Variants in UGT1A8 observed in about 807,000 individuals in gnomAD.
UGT1A8 encodes UDP glucuronosyltransferase family 1 member A8.
Under a neutral mutation model 45.3 loss-of-function variants are expected in UGT1A8, and 39 were observed. The observed-to-expected ratio is 0.86, with a 90% confidence interval of 0.67 to 1.12. The LOEUF (loss-of-function observed/expected upper bound fraction) is 1.12, where lower values mean the gene tolerates loss of function less well. Among genes scored for constraint, UGT1A8 ranks in the 50% most tolerant of loss-of-function variants. The pLI, the probability that UGT1A8 is intolerant of heterozygous loss-of-function variation, is 0.00. For missense variants in UGT1A8, 719 were observed against 664.9 expected, an observed-to-expected ratio of 1.08 and a Z score of -0.90; for synonymous variants, 275 against 249.2, an observed-to-expected ratio of 1.10 and a Z score of -0.97.
intron 1 of UGT1A8, among the ~76,000 whole-genome samples, chr2:233,670,608 A>T (rs1287621789): frequency 2.0e-5 from 3 of 152,156 alleles, no homozygotes; most frequent in Non-Finnish European, 4.4e-5. Flanking sequence ...ACTCATCTCC[A>T]TCAAGTCATC....
At chr2:233,628,705 G>T (rs1048492093) in intron 1 of UGT1A8, among the ~76,000 whole-genome samples, 1 of 152,126 alleles carries the variant, frequency 6.6e-6, no homozygotes, top group Non-Finnish European at 1.5e-5. Flanking sequence ...GAGGAGTGGA[G>T]CATTCAGTCT....
At chr2:233,666,204 A>G (rs1278478704) in intron 1 of UGT1A8, among the ~76,000 whole-genome samples, 1 of 152,130 alleles carries the variant, frequency 6.6e-6, no homozygotes, top group East Asian at 1.9e-4. Flanking sequence ...TCTTGCTGAA[A>G]CTAATAGATG....
chr2:233,643,071 T>C (rs1028573444), intron 1 of UGT1A8, among the ~76,000 whole-genome samples: 9 of 152,176 alleles, frequency 5.9e-5, no homozygotes, highest in African/African-American at 2.2e-4. Flanking sequence ...CTATGTTTGC[T>C]CAACGCCCTT....
intron 1 of UGT1A8, among the ~76,000 whole-genome samples, chr2:233,681,148 C>G (rs1481632068): frequency 6.6e-6 from 1 of 151,744 alleles, no homozygotes; most frequent in African/African-American, 2.4e-5. Flanking sequence ...CAATTTCCTC[C>G]CAGTTAGGAG....
Position 233,719,177 on chromosome 2 carries a change from T to C in UGT1A8, c.856-47857T>C, listed in dbSNP as rs779768748. Reference sequence around the variant, plus strand: ...CTAGAAGTATGGCAATTATGAACAATGTATCTTTGGCCCTTCATAGGTGTT... The same window carrying C: ...CTAGAAGTATGGCAATTATGAACAACGTATCTTTGGCCCTTCATAGGTGTT... On this transcript the variant is annotated intron_variant, in intron 1 of 4. Transcript: ENST00000373450. The C allele has an allele frequency of 1.1e-5, 17 of 1,614,142 alleles. No homozygotes were observed. In the East Asian group the frequency reaches 3.6e-4, roughly 34 times the overall value.
intron 1 of UGT1A8, chr2:233,637,457 T>A (rs545931659): frequency 2.6e-6 from 4 of 1,509,488 alleles, no homozygotes; most frequent in African/African-American, 1.4e-5. Context: ...AACTGTGATT[T>A]GACATTTTCG....
chr2:233,635,186 A>T (rs1315720280), intron 1 of UGT1A8, among the ~76,000 whole-genome samples: 2 of 150,636 alleles, frequency 1.3e-5, no homozygotes, highest in African/African-American at 4.9e-5. Context: ...TAGTCTGATG[A>T]ACTTCTTTTC....
intron 1 of UGT1A8, among the ~76,000 whole-genome samples, chr2:233,640,653 G>A (rs2073427030): frequency 6.6e-6 from 1 of 152,018 alleles, no homozygotes; most frequent in Admixed American, 6.6e-5. Context: ...TCTTTTTTAG[G>A]CTGCAAATGC....
intron 1 of UGT1A8, chr2:233,717,759 G>A (rs1415784532): frequency 2.2e-6 from 1 of 456,590 alleles, no homozygotes; most frequent in East Asian, 6.9e-5. Flanking sequence ...CCCTAGAAAG[G>A]CACACATTTA....
Position 233,767,174 on chromosome 2 carries a change from A to G in UGT1A8, c.987+9A>G. 1.2e-6 allele frequency: 2 copies of G among 1,614,054 alleles called. No homozygotes were observed. Among genetic ancestry groups the G allele is most frequent in the Non-Finnish European group, 1.7e-6 (2 of 1,180,004 alleles). ...GCAAAATCCCTCAGACAGTAAGAAG[A>G]TTCTATACCATGGCCTCATATCTAT... is the stretch of plus-strand genomic sequence containing the variant. On this transcript the variant is annotated intron_variant, in intron 2 of 4. Transcript: ENST00000373450.
At chr2:233,749,358 A>G (rs1263480064) in intron 1 of UGT1A8, among the ~76,000 whole-genome samples, 1 of 151,706 alleles carries the variant, frequency 6.6e-6, no homozygotes, top group Non-Finnish European at 1.5e-5. Context: ...TTAAATAGTG[A>G]CTCTTGCCCT....
intron 1 of UGT1A8, among the ~76,000 whole-genome samples, chr2:233,656,306 C>T (rs553611018): frequency 9.9e-5 from 15 of 152,264 alleles, no homozygotes; most frequent in African/African-American, 2.4e-4. Context: ...TCTCCGTAAA[C>T]TGGCCAGAAC....
chr2:233,767,818 C>G lies in UGT1A8; in HGVS notation c.988-31C>G, dbSNP rs766005162. On this transcript the variant is annotated intron_variant, in intron 2 of 4. Coordinates refer to ENST00000373450, the MANE Select transcript of UGT1A8 (RefSeq NM_019076.5). ...GTTTTCTAATCATATTATGTTCTTT[C>G]TTTACGTTCTGCTCTTTTTGCCCCT... The G allele has an allele frequency of 1.9e-6, 3 of 1,614,028 alleles. No homozygotes were observed. In the South Asian group the frequency reaches 3.3e-5, roughly 18 times the overall value.
intron 1 of UGT1A8, among the ~76,000 whole-genome samples, chr2:233,737,707 C>T (rs1200487929): frequency 6.6e-6 from 1 of 152,126 alleles, no homozygotes; most frequent in Non-Finnish European, 1.5e-5. Flanking sequence ...TTCCGTTCTC[C>T]TCTCCAACAC....
rs72551358 is a variant in UGT1A8 at position 233,772,345 on chromosome 2, A to T, written c.1379A>T (p.Glu460Val). Residue 460 changes from glutamate (E) to valine (V), a missense_variant, in exon 5 of 5, where the codon GAG becomes GTG. Coordinates refer to ENST00000373450, the MANE Select transcript of UGT1A8 (RefSeq NM_019076.5). ...CTGGACCTGGCCGTGTTCTGGGTGGAGTTTGTGATGAGGCACAAGGGCGCG... is the reference window on the plus strand; with the variant it reads ...CTGGACCTGGCCGTGTTCTGGGTGGTGTTTGTGATGAGGCACAAGGGCGCG... ...EPLDLAVFWV[E>V]FVMRHKGAPH... 7 of 1,614,196 alleles carry T rather than the reference A, an allele frequency of 4.3e-6. No homozygotes were observed. In the South Asian group the frequency reaches 7.7e-5, roughly 18 times the overall value.
chr2:233,695,863 A>G (rs933012349), intron 1 of UGT1A8, among the ~76,000 whole-genome samples: 2 of 152,224 alleles, frequency 1.3e-5, no homozygotes, highest in Non-Finnish European at 2.9e-5. Flanking sequence ...TCACTCAACA[A>G]CAAACAACGC....
chr2:233,618,806 A>C (rs2072948718), intron 1 of UGT1A8, among the ~76,000 whole-genome samples: 1 of 152,196 alleles, frequency 6.6e-6, no homozygotes, highest in Non-Finnish European at 1.5e-5. Flanking sequence ...ATTTTTGAGT[A>C]CCATGTTTAG....
chr2:233,664,405 A>C (rs1465530623), intron 1 of UGT1A8, among the ~76,000 whole-genome samples: 1 of 152,132 alleles, frequency 6.6e-6, no homozygotes, highest in African/African-American at 2.4e-5. Context: ...GTTGGTACCA[A>C]TTTTCTACCC....
chr2:233,670,314 A>T (rs1244519555), intron 1 of UGT1A8, among the ~76,000 whole-genome samples: 4 of 152,172 alleles, frequency 2.6e-5, no homozygotes, highest in African/African-American at 9.7e-5. Flanking sequence ...TGGAGGAAGA[A>T]GGAGGAGAGA....
Sources: allele counts gnomAD v4.1 joint callset (sites outside exome capture counted in the v4.1 genomes callset), GRCh38; gene constraint gnomAD v4.1.1; transcripts MANE v1.5; gene names NCBI Gene and HGNC (gene_info 2026-07-23, HGNC 2026-07-21).